The following NETO1 variants were observed in gnomAD, a reference collection of about 807,000 sequenced individuals.
NETO1 encodes neuropilin and tolloid-like protein 1.
Under a neutral mutation model 61.3 loss-of-function variants are expected in NETO1, and 26 were observed. The observed-to-expected ratio is 0.42, with a 90% CI of 0.31 to 0.59. The LOEUF is 0.59. Ranked by LOEUF, NETO1 falls within the 20% of genes least tolerant of loss-of-function variation. The pLI, the probability that NETO1 is intolerant of heterozygous loss-of-function variation, is 0.12. For missense variants in NETO1, 531 were observed against 662.8 expected (o/e 0.80, Z 2.18); for synonymous variants, 225 against 225.8 (o/e 1.00, Z 0.03).
chr18:72,765,742 A>T (rs2071132649), intron 7 of NETO1, among the ~76,000 whole-genome samples: 1 of 152,196 alleles, frequency 6.6e-6, no homozygotes, highest in Admixed American at 6.5e-5. Flanking sequence ...TAAGCAACAC[A>T]ATGAATATTA....
intron 4 of NETO1, among the ~76,000 whole-genome samples, chr18:72,843,903 T>C (rs939087307): frequency 1.3e-5 from 2 of 152,226 alleles, no homozygotes; most frequent in Non-Finnish European, 2.9e-5. Context: ...TTTGCTTAGA[T>C]AAGCGTATTA....
At chr18:72,799,697 C>T (rs547823090) in intron 4 of NETO1, among the ~76,000 whole-genome samples, 15 of 152,346 alleles carry the variant, frequency 9.8e-5, no homozygotes, top group African/African-American at 2.4e-4. Context: ...CATCTGCTTG[C>T]GCAGCTCTGA....
At chr18:72,836,563 A>C (rs1186438995) in intron 4 of NETO1, among the ~76,000 whole-genome samples, 3 of 152,234 alleles carry the variant, frequency 2.0e-5, no homozygotes, top group African/African-American at 7.2e-5. Context: ...CTGATTAATA[A>C]ATGTATAAAT....
chr18:72,816,247 C>T (rs977811384), intron 4 of NETO1, among the ~76,000 whole-genome samples: 6 of 152,188 alleles, frequency 3.9e-5, no homozygotes, highest in Admixed American at 3.9e-4. Context: ...TACTTTGTTA[C>T]AGCTACACAA....
chr18:72,788,322 T>C (rs1320062805), intron 6 of NETO1, among the ~76,000 whole-genome samples: 3 of 152,152 alleles, frequency 2.0e-5, no homozygotes, highest in Non-Finnish European at 2.9e-5. Flanking sequence ...TTTTATCATA[T>C]AGAAAAAGAG....
At chr18:72,759,363 G>A (rs2070893935) in intron 7 of NETO1, among the ~76,000 whole-genome samples, 1 of 152,126 alleles carries the variant, frequency 6.6e-6, no homozygotes, top group South Asian at 2.1e-4. Flanking sequence ...AAAGTTTTAA[G>A]AGTATATTTT....
At chr18:72,800,707 G>A (rs2072476492) in intron 4 of NETO1, among the ~76,000 whole-genome samples, 1 of 152,134 alleles carries the variant, frequency 6.6e-6, no homozygotes, top group Non-Finnish European at 1.5e-5. Flanking sequence ...TGCTAAAAAT[G>A]TGCTATAAGG....
At position 72,756,420 on chromosome 18, in the gene NETO1, T is replaced by A. The variant is rs190819608; in HGVS notation, c.869-273A>T. Among the ~76,000 whole-genome samples the A allele has an allele frequency of 2.6e-4, 40 of 152,292 alleles. No homozygotes were observed. In the East Asian group the frequency reaches 7.7e-3, roughly 29 times the overall value. On this transcript the variant is annotated intron_variant, in intron 7 of 10. Coordinates refer to ENST00000327305, the MANE Select transcript of NETO1 (RefSeq NM_138966.5). Reference sequence around the variant, plus strand: ...ATGAAGAACATTATCCACATTTTTTTAAGTAGGCATATTTATTTAGCAAAC... The same window carrying A: ...ATGAAGAACATTATCCACATTTTTTAAAGTAGGCATATTTATTTAGCAAAC...
rs554507542 is a variant in NETO1 at position 72,798,541 on chromosome 18, A to G, written c.470-4137T>C. Among the ~76,000 whole-genome samples the G allele has an allele frequency of 1.6e-3, 249 of 152,260 alleles. 2 individuals are homozygous for G. The highest frequency in any genetic ancestry group is 5.8e-3 in the African/African-American group (239 of 41,552). On this transcript the variant is annotated intron_variant, in intron 4 of 10. Transcript: ENST00000327305. ...TAATGTACTTCAGTTGTACAGCTGC[A>G]TGTGGTGGCAGGCTTTAAGTCAAAA...
At chr18:72,858,709 T>C (rs1377568656) in intron 4 of NETO1, 117 bp downstream of exon 4, 4 of 1,082,982 alleles carry the variant, frequency 3.7e-6, no homozygotes, top group Admixed American at 2.9e-5. Context: ...GATTTGGTTT[T>C]AAATAGAACT....
intron 4 of NETO1, among the ~76,000 whole-genome samples, chr18:72,809,495 G>A (rs543343837): frequency 2.0e-4 from 30 of 152,274 alleles, no homozygotes; most frequent in African/African-American, 7.0e-4. Context: ...GTATTTGCAC[G>A]TATCAACTAG....
At chr18:72,837,708 A>G (rs548020967) in intron 4 of NETO1, among the ~76,000 whole-genome samples, 3 of 152,346 alleles carry the variant, frequency 2.0e-5, no homozygotes, top group African/African-American at 7.2e-5. Flanking sequence ...ATTTCCAATT[A>G]TATGCTCTGG....
chr18:72,754,104 ATAAT>A (rs2070710812), intron 8 of NETO1, among the ~76,000 whole-genome samples: 1 of 152,166 alleles, frequency 6.6e-6, no homozygotes, highest in Admixed American at 6.5e-5. Flanking sequence ...ATGTCTCACT[ATAAT>A]TAAGTTAGTA....
chr18:72,843,281 G>C (rs932337441), intron 4 of NETO1, among the ~76,000 whole-genome samples: 4 of 152,192 alleles, frequency 2.6e-5, no homozygotes, highest in African/African-American at 7.2e-5. Flanking sequence ...TCCTAGCAGA[G>C]AGAATCAAAC....
At chr18:72,773,339 G>C (rs1157275053) in intron 7 of NETO1, among the ~76,000 whole-genome samples, 3 of 152,074 alleles carry the variant, frequency 2.0e-5, no homozygotes, top group Non-Finnish European at 2.9e-5. Flanking sequence ...CAAGCTTTAA[G>C]AGCCTTTATA....
chr18:72,842,607 T>C (rs1942463), intron 4 of NETO1, among the ~76,000 whole-genome samples: 149,116 of 152,276 alleles, frequency 0.98, 73,022 homozygotes, highest in East Asian at 1. Context: ...ACTGAAATCA[T>C]CCCAATAGAA....
At chr18:72,797,215 G>C (rs896089906) in intron 4 of NETO1, among the ~76,000 whole-genome samples, 7 of 152,062 alleles carry the variant, frequency 4.6e-5, no homozygotes, top group African/African-American at 1.7e-4. Context: ...GTGGAATATA[G>C]TTGATACTCT....
chr18:72,846,635 T>C (rs1226087092), intron 4 of NETO1, among the ~76,000 whole-genome samples: 2 of 148,448 alleles, frequency 1.3e-5, no homozygotes, highest in Non-Finnish European at 3.0e-5. Flanking sequence ...AAAATAAGCA[T>C]ATTTGTATTT....
At chr18:72,818,664 C>A (rs2073098723) in intron 4 of NETO1, among the ~76,000 whole-genome samples, 1 of 152,062 alleles carries the variant, frequency 6.6e-6, no homozygotes, top group Non-Finnish European at 1.5e-5. Flanking sequence ...AAATCCACTG[C>A]TTATTGAGAT....
Sources: allele counts gnomAD v4.1 joint callset (sites outside exome capture counted in the v4.1 genomes callset), GRCh38; gene constraint gnomAD v4.1.1; transcripts MANE v1.5; gene names NCBI Gene and HGNC (gene_info 2026-07-23, HGNC 2026-07-21).